Variants in MTUS2 observed in about 807,000 individuals in gnomAD.
MTUS2 encodes the protein microtubule associated scaffold protein 2, also known as microtubule-associated tumor suppressor candidate 2.
In MTUS2, 40 loss-of-function variants were observed where a neutral mutation model predicts 114.1. The observed-to-expected ratio is 0.35, with a 90% CI of 0.27 to 0.46. The LOEUF (loss-of-function observed/expected upper bound fraction) is 0.46, where lower values mean the gene tolerates loss of function less well. Ranked by LOEUF, MTUS2 falls within the 20% of genes least tolerant of loss-of-function variation. The probability of loss-of-function intolerance (pLI) is 1.00; values close to 1 mark genes in which losing one functional copy is unlikely to be tolerated. For missense variants in MTUS2, 1,679 were observed against 1,705.4 expected (o/e 0.98, Z 0.27); for synonymous variants, 688 against 672.0 (o/e 1.02, Z -0.37).
At chr13:29,109,268 T>C (rs1890789392) in intron 5 of MTUS2, among the ~76,000 whole-genome samples, 1 of 152,172 alleles carries the variant, frequency 6.6e-6, no homozygotes, top group South Asian at 2.1e-4. Flanking sequence ...AATTAACATA[T>C]CCATCACCTC....
At chr13:29,320,205 G>T (rs759903493) in intron 6 of MTUS2, among the ~76,000 whole-genome samples, 1 of 152,116 alleles carries the variant, frequency 6.6e-6, no homozygotes, top group Non-Finnish European at 1.5e-5. Flanking sequence ...AGCAGGGATC[G>T]GAGTGATTGC....
intron 11 of MTUS2, among the ~76,000 whole-genome samples, chr13:29,490,718 A>G (rs1882000948): frequency 6.6e-6 from 1 of 152,264 alleles, no homozygotes; most frequent in South Asian, 2.1e-4. Context: ...CCAAGAGGCT[A>G]CCAAGGTGTC....
intron 2 of MTUS2, among the ~76,000 whole-genome samples, chr13:29,009,768 T>G (rs543549168): frequency 6.6e-6 from 1 of 152,346 alleles, no homozygotes; most frequent in Non-Finnish European, 1.5e-5. Context: ...TAGTGCCTTT[T>G]TTCATTTCAA....
At chr13:29,264,706 G>A (rs1201224605) in intron 5 of MTUS2, among the ~76,000 whole-genome samples, 1 of 152,254 alleles carries the variant, frequency 6.6e-6, no homozygotes, top group Non-Finnish European at 1.5e-5. Flanking sequence ...AGCCTGAGCT[G>A]TACCTGGGAC....
chr13:29,389,354 T>TATGTATACACATGTGTGTAC lies in MTUS2; in HGVS notation c.3117+29883_3117+29884insGTATACACATGTGTGTACAT, dbSNP rs1566172561. ...GTATATATGTATGCACGTGTGTGTA[T>TATGTATACACATGTGTGTAC]ATATGTATGCACGTGTGTGTATATA... On this transcript the variant is annotated intron_variant, in intron 8 of 15. Coordinates refer to ENST00000612955, the MANE Select transcript of MTUS2 (RefSeq NM_001033602.4). 5.2e-4 allele frequency among the ~76,000 whole-genome samples: 44 copies of TATGTATACACATGTGTGTAC among 85,276 alleles called. 12 individuals carry two copies. Among genetic ancestry groups the TATGTATACACATGTGTGTAC allele is most frequent in the African/African-American group, 2.1e-3 (43 of 20,016 alleles). 55.9% of individuals were successfully genotyped at this position (85,276 alleles called of 152,430 possible).
chr13:29,075,653 G>A (rs923671690), intron 4 of MTUS2, among the ~76,000 whole-genome samples: 20 of 152,274 alleles, frequency 1.3e-4, no homozygotes, highest in African/African-American at 4.6e-4. Context: ...AGGTTACTGA[G>A]GGACAACAAC....
At chr13:28,891,989 C>CG (rs1878960219) in intron 2 of MTUS2, among the ~76,000 whole-genome samples, 1 of 152,026 alleles carries the variant, frequency 6.6e-6, no homozygotes, top group Non-Finnish European at 1.5e-5. Context: ...CTATTTTCCC[C>CG]GGGAAGCCCT....
chr13:29,090,134 G>T (rs1889872472), intron 4 of MTUS2, among the ~76,000 whole-genome samples: 1 of 152,084 alleles, frequency 6.6e-6, no homozygotes, highest in Non-Finnish European at 1.5e-5. Flanking sequence ...TGATGCCCTT[G>T]AGGTTTGACT....
At position 29,310,110 on chromosome 13, in the gene MTUS2, C is replaced by T. The variant is rs548149573; in HGVS notation, c.2807-14503C>T. On this transcript the variant is annotated intron_variant, in intron 6 of 15. Transcript: ENST00000612955. ...CCTCTGGTAACCTTCATTCTGTTCT[C>T]TATCTCCATGAGTTCAGTTGTGTTA... is the stretch of plus-strand genomic sequence containing the variant. Among the ~76,000 whole-genome samples, 4 of 152,280 alleles carry T rather than the reference C, an allele frequency of 2.6e-5. No homozygotes were observed. The East Asian group carries it at 7.7e-4, about 29-fold the overall frequency.
rs942760578 is a variant in MTUS2, at chr13:28,925,216, T to C, written c.-243+85366T>C. The stretch of plus-strand genomic sequence containing the variant: ...GACACAAGAAGCTGTTGATCATTTC[T>C]ATCTTGCAGGAGTCAGTGGAATTTA... On this transcript the variant is annotated intron_variant, in intron 2 of 15. Transcript: ENST00000612955. Among the ~76,000 whole-genome samples, 4 of 152,146 alleles carry C rather than the reference T, an allele frequency of 2.6e-5. 1 individual carries two copies. The Middle Eastern group carries it at 9.5e-3, about 361-fold the overall frequency.
chr13:29,177,159 T>C (rs1893808513), intron 5 of MTUS2, among the ~76,000 whole-genome samples: 1 of 150,932 alleles, frequency 6.6e-6, no homozygotes, highest in Non-Finnish European at 1.5e-5. Context: ...AGATCTTACA[T>C]TTGCGATATC....
At chr13:29,380,124 A>T (rs576385526) in intron 8 of MTUS2, among the ~76,000 whole-genome samples, 1 of 152,232 alleles carries the variant, frequency 6.6e-6, no homozygotes, top group South Asian at 2.1e-4. Flanking sequence ...GCTGACTGTC[A>T]CCCTGTGCTC....
intron 5 of MTUS2, among the ~76,000 whole-genome samples, chr13:29,184,786 C>G (rs4769689): frequency 0.84 from 127,030 of 152,126 alleles, 53,239 homozygotes; most frequent in African/African-American, 0.91. Flanking sequence ...TGGGGAATGA[C>G]AAAAATCTGA....
intron 8 of MTUS2, among the ~76,000 whole-genome samples, chr13:29,424,242 A>G (rs1220670756): frequency 6.6e-6 from 1 of 152,146 alleles, no homozygotes; most frequent in Non-Finnish European, 1.5e-5. Context: ...AGAAATGATA[A>G]ATGTTTGCAG....
At chr13:29,154,121 C>T (rs879554603) in intron 5 of MTUS2, among the ~76,000 whole-genome samples, 26 of 152,122 alleles carry the variant, frequency 1.7e-4, no homozygotes, top group South Asian at 6.2e-4. Context: ...CGTAGCTCAC[C>T]GGTAGCCAAC....
chr13:28,991,218 C>A (rs2138337397), intron 2 of MTUS2, among the ~76,000 whole-genome samples: 1 of 152,320 alleles, frequency 6.6e-6, no homozygotes, highest in East Asian at 1.9e-4. Context: ...AGGGTCCCTG[C>A]TGCTCTTGAT....
chr13:29,395,497 C>G (rs9508439), intron 8 of MTUS2, among the ~76,000 whole-genome samples: 2 of 152,152 alleles, frequency 1.3e-5, no homozygotes, highest in Non-Finnish European at 2.9e-5. Flanking sequence ...GTGCTGTTAA[C>G]TGAGATGAGG....
chr13:29,498,653 C>A, intron 14 of MTUS2, 116 bp downstream of exon 14: 1 of 1,376,148 alleles, frequency 7.3e-7, no homozygotes, highest in Admixed American at 2.2e-5. Context: ...ATTGCTTACA[C>A]CCAAGCAGAA....
intron 9 of MTUS2, 122 bp downstream of exon 9, chr13:29,440,171 G>A (rs1877725849): frequency 2.2e-6 from 2 of 916,850 alleles, no homozygotes; most frequent in East Asian, 2.7e-5. Context: ...GATGAATGAA[G>A]TATCTCACCC....
Sources: gnomAD v4.1 joint callset for allele counts (sites outside exome capture counted in the v4.1 genomes callset) on GRCh38, gnomAD v4.1.1 for gene constraint, MANE v1.5 for transcripts, NCBI Gene and HGNC (gene_info 2026-07-23, HGNC 2026-07-21) for gene names.